LARGE1: variants seen among roughly 807,000 people sequenced by gnomAD.
LARGE1 encodes xylosyl- and glucuronyltransferase LARGE1.
Under a neutral mutation model 87.6 loss-of-function variants are expected in LARGE1, and 43 were observed. The ratio of observed to expected loss-of-function variants is 0.49; its 90% CI spans 0.38 to 0.63. The LOEUF (loss-of-function observed/expected upper bound fraction) is 0.63. Ranked by LOEUF, LARGE1 falls within the 30% of genes least tolerant of loss-of-function variation. LARGE1 has a pLI of 0.00. For synonymous variants in LARGE1, 434 were observed against 394.6 expected, an observed-to-expected ratio of 1.10 and a Z score of -1.18; for missense variants, 802 against 1,000.2, an observed-to-expected ratio of 0.80 and a Z score of 2.67.
At chr22:33,793,413 G>A (rs1003420566) in intron 1 of LARGE1, among the ~76,000 whole-genome samples, 7 of 152,146 alleles carry the variant, frequency 4.6e-5, no homozygotes, top group South Asian at 2.1e-4. Flanking sequence ...GGAGATAATC[G>A]TCTGAAACAG....
At chr22:33,518,447 T>A (rs183258153) in intron 6 of LARGE1, among the ~76,000 whole-genome samples, 2 of 152,332 alleles carry the variant, frequency 1.3e-5, no homozygotes, top group African/African-American at 2.4e-5. Context: ...GCCTCCTGAA[T>A]AAAGGCACAT....
chr22:33,300,698 T>C (rs995048365), intron 12 of LARGE1, among the ~76,000 whole-genome samples: 3 of 152,114 alleles, frequency 2.0e-5, no homozygotes, highest in Admixed American at 1.3e-4. Context: ...TGCACCACCA[T>C]GCCCAGCTAA....
intron 3 of LARGE1, among the ~76,000 whole-genome samples, chr22:33,646,052 A>G (rs562193038): frequency 6.6e-6 from 1 of 152,298 alleles, no homozygotes; most frequent in South Asian, 2.1e-4. Flanking sequence ...AAGGATCTAG[A>G]ACCAGAAATA....
exon 12 of LARGE1, chr22:33,164,085 G>A (rs908799496): frequency 7.2e-5 from 11 of 152,202 alleles, no homozygotes; most frequent in African/African-American, 1.9e-4. Flanking sequence ...GGTAGGAGGA[G>A]AGCATGGATA....
At chr22:33,201,600 T>G (rs929316874) in intron 11 of LARGE1, among the ~76,000 whole-genome samples, 5 of 152,060 alleles carry the variant, frequency 3.3e-5, no homozygotes, top group Admixed American at 3.3e-4. Context: ...GGTCTGGTCA[T>G]CATCTGGGAG....
chr22:33,568,787 A>C (rs2078107481), intron 5 of LARGE1, among the ~76,000 whole-genome samples: 1 of 150,392 alleles, frequency 6.6e-6, no homozygotes, highest in Admixed American at 6.6e-5. Flanking sequence ...AAAAAAAAAT[A>C]AGCACAATGC....
At chr22:33,908,848 G>A (rs1372053553) in intron 1 of LARGE1, among the ~76,000 whole-genome samples, 1 of 152,164 alleles carries the variant, frequency 6.6e-6, no homozygotes, top group Admixed American at 6.5e-5. Context: ...AGAAACACCA[G>A]CCGTCACAGG....
At chr22:33,292,662 A>G (rs558808174) in intron 12 of LARGE1, among the ~76,000 whole-genome samples, 1 of 152,322 alleles carries the variant, frequency 6.6e-6, no homozygotes, top group Non-Finnish European at 1.5e-5. Context: ...GATTGGAGCC[A>G]CAGAGTCTGA....
chr22:33,659,136 T>C (rs1228463021), intron 2 of LARGE1, among the ~76,000 whole-genome samples: 1 of 152,232 alleles, frequency 6.6e-6, no homozygotes, highest in Non-Finnish European at 1.5e-5. Flanking sequence ...TGCCTGACTA[T>C]CCAGCTTCTC....
At chr22:33,876,717 C>A (rs1327764085) in intron 1 of LARGE1, among the ~76,000 whole-genome samples, 2 of 151,840 alleles carry the variant, frequency 1.3e-5, no homozygotes, top group Non-Finnish European at 2.9e-5. Context: ...GGGCTTAACA[C>A]CTAGATGACG....
At chr22:33,442,801 T>TA (rs1296912646) in intron 6 of LARGE1, among the ~76,000 whole-genome samples, 1 of 151,712 alleles carries the variant, frequency 6.6e-6, no homozygotes, top group African/African-American at 2.4e-5. Context: ...TAGCTTTTTT[T>TA]TTTTTTTTTG....
chr22:33,587,958 AG>A (rs2078725236), intron 5 of LARGE1, among the ~76,000 whole-genome samples: 1 of 152,158 alleles, frequency 6.6e-6, no homozygotes, highest in Non-Finnish European at 1.5e-5. Flanking sequence ...CATTCTCTAC[AG>A]GTTGGAAATT....
At chr22:33,410,097 A>C (rs536829986) in intron 7 of LARGE1, among the ~76,000 whole-genome samples, 27 of 152,220 alleles carry the variant, frequency 1.8e-4, no homozygotes, top group African/African-American at 6.0e-4. Flanking sequence ...CGAACTACTG[A>C]AGGAAGAGTC....
chr22:33,604,294 T>C, intron 5 of LARGE1, 141 bp downstream of exon 5: 1 of 1,095,910 alleles, frequency 9.1e-7, no homozygotes, highest in Non-Finnish European at 1.4e-6. Context: ...AATCAGATTC[T>C]GCTGGCAAAC....
chr22:33,518,615 A>T (rs2071419808), intron 6 of LARGE1, among the ~76,000 whole-genome samples: 1 of 152,154 alleles, frequency 6.6e-6, no homozygotes, highest in Non-Finnish European at 1.5e-5. Context: ...GGCCTCAGGC[A>T]CAGGATTTGA....
chr22:33,861,153 G>C (rs2063907774), intron 1 of LARGE1, among the ~76,000 whole-genome samples: 1 of 152,088 alleles, frequency 6.6e-6, no homozygotes, highest in Non-Finnish European at 1.5e-5. Context: ...GTGCGGCAAG[G>C]AAAAGGTCAG....
the LARGE1 span, among the ~76,000 whole-genome samples, chr22:33,130,548 C>A: frequency 6.6e-6 from 1 of 152,014 alleles, no homozygotes; most frequent in African/African-American, 2.4e-5. Flanking sequence ...ATGCAATGGG[C>A]ATACTCCAGG....
intron 13 of LARGE1, among the ~76,000 whole-genome samples, chr22:33,282,426 G>T (rs192776413): frequency 1.6e-3 from 239 of 152,316 alleles, no homozygotes; most frequent in Middle Eastern, 6.8e-3. Context: ...CCTCTCTTTA[G>T]ACTGCTCAGT....
At chr22:33,487,408 C>T (rs1203971284) in intron 6 of LARGE1, among the ~76,000 whole-genome samples, 2 of 152,188 alleles carry the variant, frequency 1.3e-5, no homozygotes, top group African/African-American at 4.8e-5. Flanking sequence ...TGATTGGCAT[C>T]AGTCTAACGG....
Sources: gnomAD v4.1 joint callset for allele counts (sites outside exome capture counted in the v4.1 genomes callset) on GRCh38, gnomAD v4.1.1 for gene constraint, MANE v1.5 for transcripts, NCBI Gene and HGNC (gene_info 2026-07-23, HGNC 2026-07-21) for gene names.